Variants in GLRB observed in about 807,000 individuals in gnomAD.
GLRB encodes glycine receptor beta, also known as glycine receptor subunit beta.
A neutral mutation model predicts 54.2 loss-of-function variants in GLRB; 33 were observed. The ratio of observed to expected loss-of-function variants is 0.61; its 90% CI spans 0.46 to 0.81. The LOEUF (loss-of-function observed/expected upper bound fraction) is 0.81. GLRB is among the 40% of genes least tolerant of loss of function. The pLI, the probability that GLRB is intolerant of heterozygous loss-of-function variation, is 0.00. For synonymous variants in GLRB, 209 were observed against 208.2 expected, an observed-to-expected ratio of 1.00 and a Z score of -0.03; for missense variants, 572 against 584.6, an observed-to-expected ratio of 0.98 and a Z score of 0.22.
intron 2 of GLRB, among the ~76,000 whole-genome samples, chr4:157,082,313 C>A (rs943039636): frequency 1.2e-4 from 19 of 152,120 alleles, no homozygotes; most frequent in African/African-American, 4.6e-4. Flanking sequence ...TCCCCAATTG[C>A]CACTCATACA....
At chr4:157,119,836 G>C (rs546899870) in intron 2 of GLRB, among the ~76,000 whole-genome samples, 181 of 151,670 alleles carry the variant, frequency 1.2e-3, no homozygotes, top group African/African-American at 4.1e-3. Flanking sequence ...GATTCCTCAG[G>C]GATCTAGAAC....
chr4:157,087,494 G>C (rs888966247), intron 2 of GLRB, among the ~76,000 whole-genome samples: 28 of 151,944 alleles, frequency 1.8e-4, no homozygotes, highest in African/African-American at 6.8e-4. Flanking sequence ...TTTTGTTTAC[G>C]ATTGCTTTGG....
chr4:157,127,539 T>A (rs1267455840), intron 4 of GLRB, among the ~76,000 whole-genome samples: 1 of 151,842 alleles, frequency 6.6e-6, no homozygotes, highest in Non-Finnish European at 1.5e-5. Context: ...GATATGCTGT[T>A]TTATATGTTA....
intron 8 of GLRB, among the ~76,000 whole-genome samples, chr4:157,147,115 T>C (rs1736841437): frequency 6.6e-6 from 1 of 152,100 alleles, no homozygotes; most frequent in African/African-American, 2.4e-5. Flanking sequence ...GATATGCAAG[T>C]CTGGGTTTAA....
At chr4:157,127,864 T>C (rs116561943) in intron 4 of GLRB, among the ~76,000 whole-genome samples, 1,788 of 151,984 alleles carry the variant, frequency 0.012, 22 homozygotes, top group Non-Finnish European at 0.015. Context: ...ATGATTTTGG[T>C]CTTCTAAGCT....
intron 8 of GLRB, among the ~76,000 whole-genome samples, chr4:157,152,377 CT>C (rs1737053997): frequency 1.3e-5 from 2 of 152,166 alleles, no homozygotes; most frequent in Admixed American, 1.3e-4. Context: ...CATAATCTGT[CT>C]CATAAGAGAG....
intron 4 of GLRB, among the ~76,000 whole-genome samples, chr4:157,125,319 G>A (rs1055975385): frequency 6.6e-6 from 1 of 151,776 alleles, no homozygotes; most frequent in Non-Finnish European, 1.5e-5. Flanking sequence ...CACATTCATG[G>A]CAATATAATG....
intron 2 of GLRB, among the ~76,000 whole-genome samples, chr4:157,095,788 G>A (rs1397712825): frequency 2.0e-5 from 3 of 152,194 alleles, no homozygotes; most frequent in Non-Finnish European, 4.4e-5. Context: ...GTAGGGTAGA[G>A]CAAATAGATC....
intron 9 of GLRB, among the ~76,000 whole-genome samples, chr4:157,160,962 A>G (rs1737462207): frequency 6.6e-6 from 1 of 152,176 alleles, no homozygotes; most frequent in African/African-American, 2.4e-5. Flanking sequence ...ATTATGTGGG[A>G]GTCTAAGTCT....
intron 2 of GLRB, among the ~76,000 whole-genome samples, chr4:157,078,657 A>C (rs960283501): frequency 6.6e-6 from 1 of 152,168 alleles, no homozygotes; most frequent in Non-Finnish European, 1.5e-5. Context: ...TAAATAGGTT[A>C]TATTAGGAGA....
chr4:157,149,503 T>A (rs1257162657), intron 8 of GLRB, among the ~76,000 whole-genome samples: 1 of 152,136 alleles, frequency 6.6e-6, no homozygotes, highest in Admixed American at 6.5e-5. Flanking sequence ...ATACTTTTTT[T>A]AACAAATAAC....
At chr4:157,155,031 A>G (rs571638761) in intron 9 of GLRB, among the ~76,000 whole-genome samples, 121 of 152,284 alleles carry the variant, frequency 7.9e-4, no homozygotes, top group Non-Finnish European at 1.1e-3. Context: ...AGAAAACTCA[A>G]GGAGAAGAAA....
chr4:157,136,915 G>T, intron 6 of GLRB, 29 bp downstream of exon 6: 1 of 1,341,448 alleles, frequency 7.5e-7, no homozygotes, highest in South Asian at 1.2e-5. Context: ...AATTGATTAT[G>T]AAAATAAAGT....
At chr4:157,120,695 T>C (rs1359497929) in intron 3 of GLRB, 33 bp downstream of exon 3, 2 of 1,013,920 alleles carry the variant, frequency 2.0e-6, no homozygotes, top group East Asian at 2.5e-5. Context: ...TTCATTTTTA[T>C]TGTTTAAAAA....
At chr4:157,080,109 G>A (rs1235960102) in intron 2 of GLRB, among the ~76,000 whole-genome samples, 10 of 152,062 alleles carry the variant, frequency 6.6e-5, no homozygotes, top group African/African-American at 2.4e-4. Flanking sequence ...TTATTAAATA[G>A]CCTTATGTGT....
chr4:157,162,143 T>G (rs1029001817), intron 9 of GLRB, among the ~76,000 whole-genome samples: 1 of 152,244 alleles, frequency 6.6e-6, no homozygotes, highest in African/African-American at 2.4e-5. Context: ...AGCTTGTGAA[T>G]GCATCACGTA....
At chr4:157,098,229 T>G (rs1399728478) in intron 2 of GLRB, among the ~76,000 whole-genome samples, 1 of 152,214 alleles carries the variant, frequency 6.6e-6, no homozygotes, top group Non-Finnish European at 1.5e-5. Context: ...TGCTTGTTGG[T>G]ATAGGAGTAG....
At chr4:157,127,019 A>G (rs1319226357) in intron 4 of GLRB, among the ~76,000 whole-genome samples, 1 of 151,796 alleles carries the variant, frequency 6.6e-6, no homozygotes, top group East Asian at 1.9e-4. Context: ...TTAATAATAG[A>G]TTGCAACTCC....
intron 2 of GLRB, among the ~76,000 whole-genome samples, chr4:157,110,550 G>T (rs988793853): frequency 6.6e-6 from 1 of 151,848 alleles, no homozygotes; most frequent in Non-Finnish European, 1.5e-5. Context: ...TGAGCATGTT[G>T]AACATTTTAT....
Sources: allele counts gnomAD v4.1 joint callset (sites outside exome capture counted in the v4.1 genomes callset), GRCh38; gene constraint gnomAD v4.1.1; transcripts MANE v1.5; gene names NCBI Gene and HGNC (gene_info 2026-07-23, HGNC 2026-07-21).